The following MYO10 variants were observed in gnomAD, a reference collection of about 807,000 sequenced individuals.
The protein encoded by MYO10 is unconventional myosin-X.
Under a neutral mutation model 257.3 loss-of-function variants are expected in MYO10, and 133 were observed. The ratio of observed to expected loss-of-function variants is 0.52; its 90% confidence interval spans 0.45 to 0.60. The LOEUF (loss-of-function observed/expected upper bound fraction) is 0.60, where lower values mean the gene tolerates loss of function less well. Ranked by LOEUF, MYO10 falls within the 20% of genes least tolerant of loss-of-function variation. MYO10 has a pLI of 0.00. For missense variants in MYO10, 2,399 were observed against 2,635.7 expected (o/e 0.91, Z 1.97); for synonymous variants, 1,104 against 1,028.6 (o/e 1.07, Z -1.40).
Position 16,936,040 on chromosome 5 carries a change from C to T in MYO10, c.-232G>A, listed in dbSNP as rs1259592481. 1 of 586,772 alleles carries T rather than the reference C, an allele frequency of 1.7e-6. No homozygotes were observed. Among genetic ancestry groups the T allele is most frequent in the Non-Finnish European group, 3.0e-6 (1 of 328,842 alleles). 36.3% of individuals were successfully genotyped at this position (586,772 alleles called of 1,614,324 possible). A position where few individuals can be genotyped will look rare whatever the true frequency, so the allele number is the denominator to read the frequency against. ...CGGCAGCCTTTGTCTCTTCTTCCTC[C>T]AAGTTCCTCACTACTGGGCGCAGCG... is the stretch of plus-strand genomic sequence containing the variant. On this transcript the variant is annotated 5_prime_UTR_variant, in exon 1 of 41. Coordinates refer to ENST00000513610, the MANE Select transcript of MYO10 (RefSeq NM_012334.3).
chr5:16,912,086 A>G (rs34222409), intron 1 of MYO10, among the ~76,000 whole-genome samples: 8,695 of 151,328 alleles, frequency 0.057, 264 homozygotes, highest in Non-Finnish European at 0.079. Flanking sequence ...TAAGCTCATC[A>G]GTCGTCTTAT....
intron 12 of MYO10, 54 bp downstream of exon 12, chr5:16,764,196 G>T: frequency 6.4e-7 from 1 of 1,571,710 alleles, no homozygotes; most frequent in Non-Finnish European, 8.7e-7. Context: ...TTGTTCAATA[G>T]CAGCTAATCA....
rs1323140461 is a variant in MYO10 at position 16,710,991 on chromosome 5, G to A, written c.2086C>T (p.Pro696Ser). 3 of 1,613,832 alleles carry A rather than the reference G, an allele frequency of 1.9e-6. No individual in the cohort carries two copies. The highest frequency in any genetic ancestry group is 2.5e-6 in the Non-Finnish European group (3 of 1,179,888). ...GTGCACTTCCCTCGGACGTCCTCAG[G>A]CAGAGCCAGATTCCTCATCAGCACT... is the stretch of plus-strand genomic sequence containing the variant. ...YKVLMRNLAL[P>S]EDVRGKCTSL... Residue 696 changes from proline (P) to serine (S), a missense_variant, in exon 21 of 41, where the codon CCT becomes TCT. Coordinates refer to ENST00000513610, the MANE Select transcript of MYO10 (RefSeq NM_012334.3).
At chr5:16,839,986 A>G (rs1014224907) in intron 2 of MYO10, among the ~76,000 whole-genome samples, 1 of 152,184 alleles carries the variant, frequency 6.6e-6, no homozygotes, top group Non-Finnish European at 1.5e-5. Context: ...TCAGTGGAAA[A>G]GTAAGGAAGA....
At chr5:16,777,834 TCTAA>T (rs1454582175) in intron 9 of MYO10, among the ~76,000 whole-genome samples, 27 of 138,320 alleles carry the variant, frequency 2.0e-4, no homozygotes, top group African/African-American at 6.7e-4. Context: ...GTGCATTGCA[TCTAA>T]CTTTTTTTTT....
chr5:16,888,377 T>C (rs962544351), intron 1 of MYO10, among the ~76,000 whole-genome samples: 4 of 150,898 alleles, frequency 2.7e-5, no homozygotes, highest in Non-Finnish European at 5.9e-5. Context: ...ACATTTTTTT[T>C]AATTAAAAAA....
At chr5:16,897,384 A>G (rs181113073) in intron 1 of MYO10, among the ~76,000 whole-genome samples, 71 of 152,002 alleles carry the variant, frequency 4.7e-4, no homozygotes, top group Admixed American at 7.9e-4. Flanking sequence ...AAAATACCAC[A>G]GCATCCTAGT....
At chr5:16,860,688 G>A (rs1409477207) in intron 2 of MYO10, among the ~76,000 whole-genome samples, 3 of 152,186 alleles carry the variant, frequency 2.0e-5, no homozygotes, top group Non-Finnish European at 4.4e-5. Flanking sequence ...AGTAAGCAGA[G>A]GCTCTTAAGA....
rs922928621 is a variant in MYO10, at chr5:16,928,272, G to A, written c.21+7516C>T. On this transcript the variant is annotated intron_variant, in intron 1 of 40. Coordinates refer to ENST00000513610, the MANE Select transcript of MYO10 (RefSeq NM_012334.3). ...CCAGGCTGGAGTGCAGTGGCTCACC[G>A]TAATCTTCACCTCCCGGATTCAACC... is the stretch of plus-strand genomic sequence containing the variant. Among the ~76,000 whole-genome samples the A allele has an allele frequency of 4.6e-5, 7 of 152,124 alleles. No homozygotes were observed. In the East Asian group the frequency reaches 7.8e-4, roughly 17 times the overall value.
intron 19 of MYO10, among the ~76,000 whole-genome samples, chr5:16,753,466 CTTTT>C (rs143614063): frequency 1.2e-5 from 1 of 83,166 alleles, no homozygotes; most frequent in Admixed American, 1.3e-4. Flanking sequence ...CGTGCCCGGC[CTTTT>C]TTTTTTTTTT....
At chr5:16,932,163 C>T (rs570453506) in intron 1 of MYO10, among the ~76,000 whole-genome samples, 1 of 152,306 alleles carries the variant, frequency 6.6e-6, no homozygotes, top group East Asian at 1.9e-4. Context: ...ACATTAATAC[C>T]TGCTTTCTGT....
rs543496186 is a variant in MYO10 at position 16,773,251 on chromosome 5, T to C, written c.931-4048A>G. On this transcript the variant is annotated intron_variant, in intron 9 of 40. Transcript: ENST00000513610. ...AATTTAAAGATATTTATCAGTGATT[T>C]CTTCTAAAAGGTAAAAGCAAAGAAA... is the stretch of plus-strand genomic sequence containing the variant. Among the ~76,000 whole-genome samples the C allele has an allele frequency of 1.1e-4, 16 of 152,288 alleles. No individual in the cohort carries two copies. In the South Asian group the frequency reaches 1.4e-3, roughly 14 times the overall value.
rs1239566177 is a variant in MYO10, at chr5:16,766,444, C to CT, written c.1061-247dup. ...AGATCCTGTCAGAGATTTGCAACTC[C>CT]TTTTTTTTGAGACGGAGTCTCGCTC... On this transcript the variant is annotated intron_variant, in intron 10 of 40. Coordinates refer to ENST00000513610, the MANE Select transcript of MYO10 (RefSeq NM_012334.3). Among the ~76,000 whole-genome samples, 436 of 152,064 alleles carry CT rather than the reference C, an allele frequency of 2.9e-3. 4 individuals are homozygous for CT. Among genetic ancestry groups the CT allele is most frequent in the African/African-American group, 9.7e-3 (404 of 41,522 alleles).
chr5:16,809,892 G>A (rs533943400), intron 3 of MYO10, among the ~76,000 whole-genome samples: 17 of 152,240 alleles, frequency 1.1e-4, no homozygotes, highest in African/African-American at 3.4e-4. Context: ...GCAGGCGACC[G>A]CTGAAGTTCC....
At chr5:16,821,897 T>C (rs1278098451) in intron 2 of MYO10, among the ~76,000 whole-genome samples, 1 of 135,098 alleles carries the variant, frequency 7.4e-6, no homozygotes, top group Non-Finnish European at 1.6e-5. Flanking sequence ...GCTACATGAA[T>C]AAAACAGAAG....
At chr5:16,921,455 T>C (rs1384727630) in intron 1 of MYO10, among the ~76,000 whole-genome samples, 3 of 152,048 alleles carry the variant, frequency 2.0e-5, no homozygotes, top group Non-Finnish European at 4.4e-5. Context: ...ACTGAACACA[T>C]GACTCAGACA....
chr5:16,678,713 T>G (rs1561173891), intron 33 of MYO10, among the ~76,000 whole-genome samples: 1 of 152,262 alleles, frequency 6.6e-6, no homozygotes, highest in Non-Finnish European at 1.5e-5. Context: ...ACTGATGGAT[T>G]AGATCCTCTC....
chr5:16,858,441 T>TAAATA (rs1554003646), intron 2 of MYO10, among the ~76,000 whole-genome samples: 1 of 135,304 alleles, frequency 7.4e-6, no homozygotes, highest in African/African-American at 2.7e-5. Flanking sequence ...GCTACTTTTG[T>TAAATA]AAAAAAAAAA....
In MYO10 at chr5:16,664,782, C is replaced by G. The variant is rs1736089070; in HGVS notation, c.*1910G>C. 1 of 152,170 alleles carries G rather than the reference C, an allele frequency of 6.6e-6. No homozygotes were observed. Among genetic ancestry groups the G allele is most frequent in the Non-Finnish European group, 1.5e-5 (1 of 68,034 alleles). 9.4% of individuals were successfully genotyped at this position (152,170 alleles called of 1,614,324 possible). A position where few individuals can be genotyped will look rare whatever the true frequency, so the allele number is the denominator to read the frequency against. On this transcript the variant is annotated 3_prime_UTR_variant, in exon 41 of 41. Coordinates refer to ENST00000513610, the MANE Select transcript of MYO10 (RefSeq NM_012334.3). ...TCAAGTCCTCAGCTGTGTGTGACTTCATTTACCAGTCCCTTCTTTTGCTTT... is the reference window on the plus strand; with the variant it reads ...TCAAGTCCTCAGCTGTGTGTGACTTGATTTACCAGTCCCTTCTTTTGCTTT...
Sources: allele counts gnomAD v4.1 joint callset (sites outside exome capture counted in the v4.1 genomes callset), GRCh38; gene constraint gnomAD v4.1.1; transcripts MANE v1.5; gene names NCBI Gene and HGNC (gene_info 2026-07-23, HGNC 2026-07-21).